TMUB2: variants seen among roughly 807,000 people sequenced by gnomAD.
The protein encoded by TMUB2 is transmembrane and ubiquitin like domain containing 2.
A neutral mutation model predicts 20.2 loss-of-function variants in TMUB2; 19 were observed. The ratio of observed to expected loss-of-function variants is 0.94; its 90% CI spans 0.66 to 1.38. TMUB2 has a LOEUF of 1.38. TMUB2 is among the 40% of genes most tolerant of loss of function. The pLI is 0.00. For synonymous variants in TMUB2, 186 were observed against 166.0 expected (o/e 1.12, Z -0.92); for missense variants, 426 against 402.5 (o/e 1.06, Z -0.50).
intron 1 of TMUB2, 198 bp downstream of exon 1, chr17:44,187,307 AG>A (rs112973874): frequency 0.019 from 3,575 of 188,836 alleles, 151 homozygotes; most frequent in African/African-American, 0.08. Flanking sequence ...GGCTGGGGCC[AG>A]GCAGCCCTTC....
intron 3 of TMUB2, chr17:44,189,867 C>T (rs1354814386): frequency 6.5e-5 from 17 of 260,254 alleles, no homozygotes; most frequent in South Asian, 9.8e-5. Context: ...AAAAATCAGC[C>T]GGGCGTGGTG....
chr17:44,191,734 C>T lies in TMUB2; in HGVS notation c.*870C>T. 1.0e-6 allele frequency: 1 copy of T among 985,674 alleles called. No individual in the cohort carries two copies. The highest frequency in any genetic ancestry group is 1.2e-6 in the Non-Finnish European group (1 of 829,922). The allele number at this position is 985,674 out of a possible 1,614,324, so 61.1% of individuals were successfully genotyped here. On this transcript the variant is annotated 3_prime_UTR_variant, in exon 4 of 4. Transcript: ENST00000538716. ...AAGTTCCATTTTGTGGTCCTGCAGC[C>T]TCTTTCTGTGACAGAGAATGGCTTT...
In TMUB2 at chr17:44,189,448, T is replaced by C; in HGVS notation, c.462T>C (p.Ser154=). 6.2e-7 allele frequency: 1 copy of C among 1,613,988 alleles called. No individual in the cohort carries two copies. The highest frequency in any genetic ancestry group is 8.5e-7 in the Non-Finnish European group (1 of 1,179,988). Residue 154 remains serine, a synonymous_variant, in exon 3 of 4, where the codon AGT becomes AGC. Transcript: ENST00000538716. The part of the protein sequence containing the change: ...PKRQAGAGSS[S]PEAPLRSEDS... ...GACAAGCAGGTGCAGGCAGCAGCAG[T>C]CCAGAGGCCCCCCTGAGATCTGAGG...
chr17:44,190,445 T>G, intron 3 of TMUB2, 56 bp from the exon 4 acceptor site: 1 of 1,531,050 alleles, frequency 6.5e-7, no homozygotes, highest in South Asian at 1.3e-5. Context: ...TCCAGGCCTG[T>G]TTGCCTTCTC....
In TMUB2 at chr17:44,190,721, G is replaced by A. The variant is rs773553239; in HGVS notation, c.823G>A (p.Val275Met). The part of the protein sequence containing the change: ...SLGVNVGSLM[V>M]PVFVVLLGVV... ...TGGTGTCAATGTGGGCAGCCTCATG[G>A]TGCCTGTCTTTGTGGTGCTGTTGGG... is the stretch of plus-strand genomic sequence containing the variant. Residue 275 changes from valine to methionine, a missense_variant, in exon 4 of 4, where the codon GTG becomes ATG. By Grantham distance (21) the Val-to-Met change is conservative (BLOSUM62 1). Coordinates refer to ENST00000538716, the MANE Select transcript of TMUB2 (RefSeq NM_001076674.3). 1 of 1,614,220 alleles carries A rather than the reference G, an allele frequency of 6.2e-7. No homozygotes were observed. Among genetic ancestry groups the A allele is most frequent in the South Asian group, 1.1e-5 (1 of 91,088 alleles).
chr17:44,189,783 C>T (rs143341364), intron 3 of TMUB2, 195 bp downstream of exon 3: 8 of 510,936 alleles, frequency 1.6e-5, no homozygotes, highest in African/African-American at 3.9e-5. Flanking sequence ...GAGGCCGAGG[C>T]GGGTGCATCA....
In TMUB2 at chr17:44,191,093, C is replaced by T. The variant is rs1434084784; in HGVS notation, c.*229C>T. 3.0e-6 allele frequency: 4 copies of T among 1,313,184 alleles called. No individual in the cohort carries two copies. The highest frequency in any genetic ancestry group is 3.9e-6 in the Non-Finnish European group (4 of 1,029,806). 81.3% of individuals were successfully genotyped at this position (1,313,184 alleles called of 1,614,324 possible). ...CAGGTAGAAATGAGGATGTCATCTT[C>T]CTTCACTTTTAGGGTCCTCTGAAGG... On this transcript the variant is annotated 3_prime_UTR_variant, in exon 4 of 4. Transcript: ENST00000538716.
In TMUB2 at chr17:44,190,854, A is replaced by G. The variant is rs779338220; in HGVS notation, c.956A>G (p.Tyr319Cys). Residue 319 changes from tyrosine (Y) to cysteine (C), a missense_variant, in exon 4 of 4, where the codon TAT (tyrosine) becomes TGT (cysteine). Transcript: ENST00000538716. ...VFFSFLVFGM[Y>C]GR ...TTCAGCTTCCTAGTATTTGGGATGT[A>G]TGGACGATAAGGACATAGGAAGAAA... is the stretch of plus-strand genomic sequence containing the variant. 1.4e-5 allele frequency: 22 copies of G among 1,611,146 alleles called. No individual in the cohort carries two copies. The highest frequency in any genetic ancestry group is 1.5e-5 in the Non-Finnish European group (18 of 1,178,418).
rs755018217 is a variant in TMUB2, at chr17:44,187,695, A to G, written c.-14A>G. 2.8e-6 allele frequency: 2 copies of G among 718,526 alleles called. No homozygotes were observed. The highest frequency in any genetic ancestry group is 2.7e-5 in the East Asian group (1 of 37,302). The allele number at this position is 718,526 out of a possible 1,614,324, so 44.5% of individuals were successfully genotyped here. A position where few individuals can be genotyped will look rare whatever the true frequency, so the allele number is the denominator to read the frequency against. ...TTGCAGTGTGCCAGGCACTGTGCCA[A>G]GTATTTTGCTTCGATGATTTCACGT... On this transcript the variant is annotated 5_prime_UTR_variant, in exon 2 of 4. Transcript: ENST00000538716.
Position 44,189,440 on chromosome 17 carries a change from A to G in TMUB2, c.454A>G (p.Ser152Gly). 6.2e-7 allele frequency: 1 copy of G among 1,614,142 alleles called. No homozygotes were observed. The highest frequency in any genetic ancestry group is 2.2e-5 in the East Asian group (1 of 44,880). ...GCCCAAAAGACAAGCAGGTGCAGGC[A>G]GCAGCAGTCCAGAGGCCCCCCTGAG... is the stretch of plus-strand genomic sequence containing the variant. The part of the protein sequence containing the change: ...GLPKRQAGAG[S>G]SSPEAPLRSE... The change falls in exon 3 of 4, where the codon AGC (serine) becomes GGC (glycine). Residue 152 changes from serine to glycine, a missense_variant. Coordinates refer to ENST00000538716, the MANE Select transcript of TMUB2 (RefSeq NM_001076674.3).
At chr17:44,190,226 C>T in intron 3 of TMUB2, 1 of 336,310 alleles carries the variant, frequency 3.0e-6, no homozygotes, top group South Asian at 4.9e-5. Flanking sequence ...TGGCGCACTC[C>T]TGTAGTCCCA....
In TMUB2 at chr17:44,191,483, C is replaced by T. The variant is rs2055573138; in HGVS notation, c.*619C>T. On this transcript the variant is annotated 3_prime_UTR_variant, in exon 4 of 4. Transcript: ENST00000538716. ...TTATTTTATTTTTTTAAGAGTCCTT[C>T]ATAGAGCTCAGTCAGGAAGGGGATG... 3.0e-6 allele frequency: 3 copies of T among 986,094 alleles called. No homozygotes were observed. The highest frequency in any genetic ancestry group is 9.4e-5 in the South Asian group (2 of 21,290). 61.1% of individuals were successfully genotyped at this position (986,094 alleles called of 1,614,324 possible).
At position 44,189,321 on chromosome 17, in the gene TMUB2, A is replaced by T; in HGVS notation, c.335A>T (p.Glu112Val). ...PSEGNDEKAEEAGEGRGDSTG... is the reference protein window; with the variant it reads ...PSEGNDEKAEVAGEGRGDSTG... ...GAGGGTAATGATGAGAAGGCTGAAG[A>T]GGCGGGTGAAGGTCGGGGAGACTCC... The change falls in exon 3 of 4, where the codon GAG becomes GTG. Residue 112 changes from glutamate (E) to valine (V), a missense_variant. Coordinates refer to ENST00000538716, the MANE Select transcript of TMUB2 (RefSeq NM_001076674.3). 6.3e-7 allele frequency: 1 copy of T among 1,589,876 alleles called. No individual in the cohort carries two copies. Among genetic ancestry groups the T allele is most frequent in the South Asian group, 1.2e-5 (1 of 86,210 alleles).
rs34097625 is a variant in TMUB2, at chr17:44,190,349, CAAAAAAAAAAA to C, written c.603-140_603-130del. Reference sequence around the variant, plus strand: ...CTGGCAACAGAGTGAGACTCCGTCTCAAAAAAAAAAAAAAAAAAAAAAGGATAAAGATGAGG... The same window carrying C: ...CTGGCAACAGAGTGAGACTCCGTCTCAAAAAAAAAAAGGATAAAGATGAGG... On this transcript the variant is annotated intron_variant, in intron 3 of 3. Transcript: ENST00000538716. The C allele has an allele frequency of 1.5e-5, 5 of 324,834 alleles. No homozygotes were observed. In the African/African-American group the frequency reaches 1.6e-4, roughly 10 times the overall value. 20.1% of individuals were successfully genotyped at this position (324,834 alleles called of 1,614,324 possible). A position where few individuals can be genotyped will look rare whatever the true frequency, so the allele number is the denominator to read the frequency against.
chr17:44,189,294 C>T lies in TMUB2; in HGVS notation c.308C>T (p.Ser103Leu), dbSNP rs1200817100. ...GAGCCAACTGAACTCCCCCATCCATCAGAGGGTAATGATGAGAAGGCTGAA... is the reference window on the plus strand; with the variant it reads ...GAGCCAACTGAACTCCCCCATCCATTAGAGGGTAATGATGAGAAGGCTGAA... Reference protein sequence around the residue: ...NPEPTELPHPSEGNDEKAEEA... With the variant: ...NPEPTELPHPLEGNDEKAEEA... Residue 103 changes from serine (S) to leucine (L), a missense_variant, in exon 3 of 4, where the codon TCA becomes TTA. Transcript: ENST00000538716. 1 of 1,601,668 alleles carries T rather than the reference C, an allele frequency of 6.2e-7. No individual in the cohort carries two copies. The highest frequency in any genetic ancestry group is 1.1e-5 in the South Asian group (1 of 88,990).
In TMUB2 at chr17:44,187,665, G is replaced by C. The variant is rs980094064; in HGVS notation, c.-33-11G>C. On this transcript the variant is annotated splice_polypyrimidine_tract_variant and intron_variant, in intron 1 of 3. Coordinates refer to ENST00000538716, the MANE Select transcript of TMUB2 (RefSeq NM_001076674.3). Reference sequence around the variant, plus strand: ...TAATTACTACCGTTATTAAGCAATTGCAATTTGCAGTGTGCCAGGCACTGT... The same window carrying C: ...TAATTACTACCGTTATTAAGCAATTCCAATTTGCAGTGTGCCAGGCACTGT... 2 of 718,018 alleles carry C rather than the reference G, an allele frequency of 2.8e-6. No individual in the cohort carries two copies. The highest frequency in any genetic ancestry group is 1.7e-5 in the African/African-American group (1 of 57,236). The allele number at this position is 718,018 out of a possible 1,614,324, so 44.5% of individuals were successfully genotyped here. A position where few individuals can be genotyped will look rare whatever the true frequency, so the allele number is the denominator to read the frequency against.
chr17:44,189,188 G>A lies in TMUB2; in HGVS notation c.202G>A (p.Gly68Ser). Reference protein sequence around the residue: ...VADSGSNQLLGAIVSAGDTSV... With the variant: ...VADSGSNQLLSAIVSAGDTSV... ...AGACAGCGGTAGCAACCAGCTCCTG[G>A]GCGCTATTGTGTCAGCAGGCGACAC... Residue 68 changes from glycine to serine, a missense_variant, in exon 3 of 4, where the codon GGC (glycine) becomes AGC (serine). Physicochemically the swap from Gly to Ser is moderately conservative, Grantham distance 56 (BLOSUM62 0). Coordinates refer to ENST00000538716, the MANE Select transcript of TMUB2 (RefSeq NM_001076674.3). 1 of 1,614,124 alleles carries A rather than the reference G, an allele frequency of 6.2e-7. No homozygotes were observed. The highest frequency in any genetic ancestry group is 2.2e-5 in the East Asian group (1 of 44,880).
At chr17:44,188,109 A>G (rs2054748191) in intron 2 of TMUB2, 2 of 230,502 alleles carry the variant, frequency 8.7e-6, no homozygotes, top group Admixed American at 1.0e-4. Flanking sequence ...AAAGCAGCAG[A>G]TTCTCCAAGG....
Position 44,190,967 on chromosome 17 carries a change from G to A in TMUB2, c.*103G>A, listed in dbSNP as rs568229456. The A allele has an allele frequency of 6.6e-7, 1 of 1,507,216 alleles. No homozygotes were observed. Among genetic ancestry groups the A allele is most frequent in the African/African-American group, 1.4e-5 (1 of 71,790 alleles). The allele number at this position is 1,507,216 out of a possible 1,614,324, so 93.4% of individuals were successfully genotyped here. ...AGGGCCGGGGAGGGAGGGGTGGAAA[G>A]GATGTGATGGAAATCTCCTCCATAG... is the stretch of plus-strand genomic sequence containing the variant. On this transcript the variant is annotated 3_prime_UTR_variant, in exon 4 of 4. Coordinates refer to ENST00000538716, the MANE Select transcript of TMUB2 (RefSeq NM_001076674.3).
Sources: gnomAD v4.1 joint callset for allele counts on GRCh38, gnomAD v4.1.1 for gene constraint, MANE v1.5 for transcripts, NCBI Gene and HGNC (gene_info 2026-07-23, HGNC 2026-07-21) for gene names.